Variants in MED12L observed in about 807,000 individuals in gnomAD.
MED12L encodes the protein mediator complex subunit 12L.
MED12L carries 60 observed loss-of-function variants against 281.3 expected under a neutral mutation model. That is an observed-to-expected ratio of 0.21 (90% CI 0.17 to 0.26). The LOEUF is 0.26. Ranked by LOEUF, MED12L falls within the 10% of genes least tolerant of loss-of-function variation. The pLI, the probability that MED12L is intolerant of heterozygous loss-of-function variation, is 1.00. For synonymous variants in MED12L, 974 were observed against 987.2 expected (o/e 0.99, Z 0.25); for missense variants, 2,146 against 2,680.9 (o/e 0.80, Z 4.41).
intron 38 of MED12L, 120 bp from the exon 39 acceptor site, chr3:151,394,536 T>A (rs1337829784): frequency 1.3e-6 from 2 of 1,490,604 alleles, no homozygotes; most frequent in African/African-American, 2.8e-5. Context: ...GGACAGTGCA[T>A]TTTTTTCTAC....
intron 5 of MED12L, among the ~76,000 whole-genome samples, chr3:151,145,987 A>G (rs555608337): frequency 6.6e-6 from 1 of 152,240 alleles, no homozygotes; most frequent in East Asian, 1.9e-4. Context: ...AAATAGCGTT[A>G]ATTTACGTAT....
intron 16 of MED12L, among the ~76,000 whole-genome samples, chr3:151,215,932 A>G (rs142714110): frequency 3.9e-5 from 6 of 152,226 alleles, no homozygotes; most frequent in Non-Finnish European, 8.8e-5. Flanking sequence ...AACTGTTTCC[A>G]TACCTTCTTG....
At chr3:151,282,224 C>T (rs931647502) in intron 16 of MED12L, among the ~76,000 whole-genome samples, 1 of 152,094 alleles carries the variant, frequency 6.6e-6, no homozygotes, top group Non-Finnish European at 1.5e-5. Context: ...TATTCTTTTT[C>T]GTAGCTTTGT....
In MED12L at chr3:151,416,421, T is replaced by G. The variant is rs754343491; in HGVS notation, c.6407T>G (p.Leu2136Trp). ...GLQAMQPQQP[L>W]FPRQGLQQTQ... is the part of the protein sequence containing the mutation. ...CAAGCAATGCAGCCCCAGCAGCCCTTGGTAAGGCCTGTTGTTTTGGAATCA... is the reference window on the plus strand; with the variant it reads ...CAAGCAATGCAGCCCCAGCAGCCCTGGGTAAGGCCTGTTGTTTTGGAATCA... Residue 2136 changes from leucine to tryptophan, a missense_variant and splice_region_variant, in exon 43 of 45, where the codon TTG becomes TGG. Around this residue, in one of 9 missense-constraint regions of MED12L, gnomAD observed 496 missense variants for 512.0 expected, o/e 0.97. Transcript: ENST00000687756. 1.3e-6 allele frequency: 2 copies of G among 1,595,304 alleles called. No individual in the cohort carries two copies. Among genetic ancestry groups the G allele is most frequent in the Non-Finnish European group, 1.7e-6 (2 of 1,168,256 alleles).
chr3:151,290,115 A>G (rs1314944148), intron 16 of MED12L, among the ~76,000 whole-genome samples: 2 of 151,858 alleles, frequency 1.3e-5, no homozygotes, highest in African/African-American at 2.4e-5. Flanking sequence ...ATGGTCTTGA[A>G]CTCCTGACCT....
chr3:151,368,021 G>A lies in MED12L; in HGVS notation c.3449-129G>A, dbSNP rs1755502503. The A allele has an allele frequency of 1.5e-5, 13 of 850,704 alleles. No homozygotes were observed. The South Asian group carries it at 2.3e-4, about 15-fold the overall frequency. 52.7% of individuals were successfully genotyped at this position (850,704 alleles called of 1,614,324 possible). On this transcript the variant is annotated intron_variant, in intron 24 of 44. Transcript: ENST00000687756. ...AAGATTTCTCAGAAAAATAGCCAGG[G>A]CCTTATTTTCTTACCATAAGGAAAA...
chr3:151,289,087 AG>A (rs1432319246), intron 16 of MED12L, among the ~76,000 whole-genome samples: 6 of 152,218 alleles, frequency 3.9e-5, no homozygotes, highest in African/African-American at 1.4e-4. Context: ...AGAAATGAAA[AG>A]TGATAATATA....
intron 2 of MED12L, among the ~76,000 whole-genome samples, chr3:151,114,233 A>AATGT (rs1712368858): frequency 1.3e-5 from 2 of 152,212 alleles, no homozygotes; most frequent in Non-Finnish European, 2.9e-5. Context: ...ATGTACACGT[A>AATGT]ACTCATATTC....
At chr3:151,334,196 C>CTTTTTTTTGTTTTTT (rs1750691229) in intron 16 of MED12L, among the ~76,000 whole-genome samples, 1 of 118,230 alleles carries the variant, frequency 8.5e-6, no homozygotes, top group African/African-American at 3.2e-5. Flanking sequence ...TTCTTTCTTT[C>CTTTTTTTTGTTTTTT]TTTTTTTTTT....
chr3:151,404,892 A>G (rs1218054141), intron 39 of MED12L, among the ~76,000 whole-genome samples: 3 of 152,206 alleles, frequency 2.0e-5, no homozygotes, highest in Admixed American at 2.0e-4. Context: ...TGAAAAGGAG[A>G]TCTTCACATT....
At chr3:151,230,464 A>AT (rs1731431301) in intron 16 of MED12L, among the ~76,000 whole-genome samples, 1 of 152,184 alleles carries the variant, frequency 6.6e-6, no homozygotes, top group African/African-American at 2.4e-5. Context: ...ATGTAAAAAA[A>AT]TTCTGATAAA....
Position 151,432,733 on chromosome 3 carries a change from A to G in MED12L, c.6491-19A>G. The G allele has an allele frequency of 1.9e-6, 3 of 1,608,678 alleles. No individual in the cohort carries two copies. Among genetic ancestry groups the G allele is most frequent in the Non-Finnish European group, 2.6e-6 (3 of 1,176,352 alleles). On this transcript the variant is annotated intron_variant, in intron 44 of 44. Coordinates refer to ENST00000687756, the MANE Select transcript of MED12L (RefSeq NM_001393769.1). Reference sequence around the variant, plus strand: ...AGTTTTGTGTCTGTAATTTTGGTTCAATTTATTTTTCTCCTTAGGCAACCA... The same window carrying G: ...AGTTTTGTGTCTGTAATTTTGGTTCGATTTATTTTTCTCCTTAGGCAACCA...
At chr3:151,179,479 C>G (rs1722462205) in intron 11 of MED12L, among the ~76,000 whole-genome samples, 1 of 152,080 alleles carries the variant, frequency 6.6e-6, no homozygotes, top group Non-Finnish European at 1.5e-5. Flanking sequence ...TTTCTTATGT[C>G]CAAAGAATTG....
At chr3:151,092,828 C>T (rs1222408102) in intron 2 of MED12L, among the ~76,000 whole-genome samples, 2 of 152,280 alleles carry the variant, frequency 1.3e-5, no homozygotes, top group African/African-American at 2.4e-5. Flanking sequence ...CCCAGAATCC[C>T]AGTGTTCAGG....
At chr3:151,375,060 A>ATT in intron 27 of MED12L, among the ~76,000 whole-genome samples, 1 of 152,368 alleles carries the variant, frequency 6.6e-6, no homozygotes, top group South Asian at 2.1e-4. Context: ...ACATAGTCAT[A>ATT]TAAGTATTGA....
At chr3:151,089,685 G>A (rs889114555) in intron 2 of MED12L, among the ~76,000 whole-genome samples, 1 of 148,968 alleles carries the variant, frequency 6.7e-6, no homozygotes, top group Non-Finnish European at 1.5e-5. Context: ...GGGGTGGGGC[G>A]GGGGGGAGAA....
At chr3:151,348,338 A>AC (rs1752785308) in intron 16 of MED12L, among the ~76,000 whole-genome samples, 1 of 65,298 alleles carries the variant, frequency 1.5e-5, no homozygotes. Context: ...AAACCACCAG[A>AC]CCAAAAAAAA....
At chr3:151,214,309 T>A in intron 16 of MED12L, 2 of 1,612,354 alleles carry the variant, frequency 1.2e-6, no homozygotes, top group Non-Finnish European at 1.7e-6. Context: ...GGAGGTTGAA[T>A]TGATCATCTT....
chr3:151,159,242 T>C (rs1282666357), intron 7 of MED12L, among the ~76,000 whole-genome samples: 1 of 152,268 alleles, frequency 6.6e-6, no homozygotes, highest in Admixed American at 6.5e-5. Context: ...TTAAATTTGA[T>C]GTATCTAGAT....
Sources: allele counts gnomAD v4.1 joint callset (sites outside exome capture counted in the v4.1 genomes callset), GRCh38; gene constraint gnomAD v4.1.1; regional missense constraint gnomAD v4.1.1; transcripts MANE v1.5; gene names NCBI Gene and HGNC (gene_info 2026-07-23, HGNC 2026-07-21).